Variants in PKIB observed in about 807,000 individuals in gnomAD.
PKIB encodes cAMP-dependent protein kinase inhibitor beta, also known as PKI-beta.
Under a neutral mutation model 4.5 loss-of-function variants are expected in PKIB, and 2 were observed. That is an observed-to-expected ratio of 0.44 (90% CI 0.18 to 1.39). The LOEUF is 1.39. Among genes scored for constraint, PKIB ranks in the 40% most tolerant of loss-of-function variants. The pLI, the probability that PKIB is intolerant of heterozygous loss-of-function variation, is 0.27. For synonymous variants in PKIB, 38 were observed against 36.0 expected (o/e 1.06, Z -0.20); for missense variants, 94 against 92.6 (o/e 1.02, Z -0.06).
upstream of PKIB, among the ~76,000 whole-genome samples, chr6:122,609,269 G>A (rs1300468725): frequency 6.6e-6 from 1 of 152,208 alleles, no homozygotes; most frequent in Non-Finnish European, 1.5e-5. Flanking sequence ...AAGGCAGAAA[G>A]ACCTAAGTTC....
At chr6:122,491,354 A>G (rs1160480580) in intron 2 of PKIB, among the ~76,000 whole-genome samples, 1 of 152,098 alleles carries the variant, frequency 6.6e-6, no homozygotes, top group Non-Finnish European at 1.5e-5. Context: ...TTGCCTCTTA[A>G]TGTGCATGCT....
intron 2 of PKIB, among the ~76,000 whole-genome samples, chr6:122,645,809 G>T (rs1776288585): frequency 6.6e-6 from 1 of 152,198 alleles, no homozygotes; most frequent in Admixed American, 6.5e-5. Context: ...CTGGGAGCCA[G>T]GAAGGTCTTT....
At chr6:122,688,941 C>A (rs1038789577) in intron 3 of PKIB, among the ~76,000 whole-genome samples, 1 of 151,908 alleles carries the variant, frequency 6.6e-6, no homozygotes, top group Non-Finnish European at 1.5e-5. Flanking sequence ...CCACCACGCC[C>A]GTCTAATTTT....
chr6:122,589,591 G>A (rs1681411947), intron 3 of PKIB, among the ~76,000 whole-genome samples: 1 of 152,108 alleles, frequency 6.6e-6, no homozygotes, highest in African/African-American at 2.4e-5. Flanking sequence ...GTAAAAACAA[G>A]TTGGTTAAAG....
chr6:122,519,884 A>G (rs1489583934), intron 2 of PKIB, among the ~76,000 whole-genome samples: 1 of 152,212 alleles, frequency 6.6e-6, no homozygotes, highest in Non-Finnish European at 1.5e-5. Flanking sequence ...GTGGGGCTTT[A>G]CACCCACTGT....
intron 3 of PKIB, among the ~76,000 whole-genome samples, chr6:122,702,404 A>G (rs1254955629): frequency 1.4e-5 from 2 of 138,826 alleles, no homozygotes; most frequent in Admixed American, 1.6e-4. Context: ...ACCTCGGCTC[A>G]CTGCAACCTC....
chr6:122,689,058 G>A lies in PKIB; in HGVS notation c.-9+13914G>A, dbSNP rs561402974. On this transcript the variant is annotated intron_variant, in intron 3 of 4. Transcript: ENST00000368452. ...GGCCTCCCAAAGTGCTGGGATTACA[G>A]GCGTGAGCCACCACACCTGGCCGAT... 2.2e-4 allele frequency among the ~76,000 whole-genome samples: 33 copies of A among 152,212 alleles called. No homozygotes were observed. In the South Asian group the frequency reaches 3.3e-3, roughly 15 times the overall value.
intron 2 of PKIB, among the ~76,000 whole-genome samples, chr6:122,541,976 G>A (rs928614578): frequency 7.2e-5 from 11 of 151,856 alleles, no homozygotes; most frequent in East Asian, 3.9e-4. Context: ...TGATCGCATC[G>A]GCTCCTGAGG....
chr6:122,668,918 C>T (rs1284987213), intron 2 of PKIB, among the ~76,000 whole-genome samples: 2 of 152,190 alleles, frequency 1.3e-5, no homozygotes, highest in African/African-American at 4.8e-5. Context: ...TTTCTACTTA[C>T]AGACATCAGC....
chr6:122,555,866 G>C (rs752141116), intron 2 of PKIB, among the ~76,000 whole-genome samples: 2 of 152,142 alleles, frequency 1.3e-5, no homozygotes, highest in Non-Finnish European at 2.9e-5. Flanking sequence ...CACCAACTTG[G>C]AATTGAAAAG....
intron 3 of PKIB, among the ~76,000 whole-genome samples, chr6:122,599,570 G>A (rs1774290536): frequency 6.6e-6 from 1 of 152,164 alleles, no homozygotes; most frequent in Non-Finnish European, 1.5e-5. Flanking sequence ...TTGAAGCCAG[G>A]AGACAGAATC....
chr6:122,609,150 C>T (rs1774646383), upstream of PKIB, among the ~76,000 whole-genome samples: 1 of 152,050 alleles, frequency 6.6e-6, no homozygotes, highest in Non-Finnish European at 1.5e-5. Flanking sequence ...TACTTTTTTG[C>T]AATTACTTTT....
intron 2 of PKIB, among the ~76,000 whole-genome samples, chr6:122,667,723 A>G (rs1012906470): frequency 6.6e-6 from 1 of 152,232 alleles, no homozygotes; most frequent in Non-Finnish European, 1.5e-5. Context: ...GCAAGCAAAC[A>G]TTAAGAAGCA....
intron 2 of PKIB, chr6:122,480,324 G>A (rs1431415970): frequency 6.6e-6 from 1 of 152,132 alleles, no homozygotes; most frequent in African/African-American, 2.4e-5. Flanking sequence ...TTACAGGCTT[G>A]AGCCACCATG....
Position 122,622,831 on chromosome 6 carries a change from C to T in PKIB, c.-160-10452C>T, listed in dbSNP as rs568699614. ...GAGAAGATAACTTATGTTCTCTGAA[C>T]GTGCAAGTGATTTATGGAATTATTG... On this transcript the variant is annotated intron_variant, in intron 1 of 4. Coordinates refer to ENST00000368452, the MANE Select transcript of PKIB (RefSeq NM_181795.3). Among the ~76,000 whole-genome samples, 9 of 149,428 alleles carry T rather than the reference C, an allele frequency of 6.0e-5. No individual in the cohort carries two copies. In the South Asian group the frequency reaches 6.2e-4, roughly 10 times the overall value.
chr6:122,723,350 C>T (rs1054484690), intron 4 of PKIB, among the ~76,000 whole-genome samples: 27 of 152,096 alleles, frequency 1.8e-4, no homozygotes, highest in Non-Finnish European at 8.8e-5. Flanking sequence ...GGTATAAAAG[C>T]GAACTCCAGA....
intron 2 of PKIB, among the ~76,000 whole-genome samples, chr6:122,576,689 A>AAAAATATATATATATAT (rs1345822382): frequency 2.9e-4 from 10 of 34,308 alleles, no homozygotes; most frequent in Non-Finnish European, 4.7e-4. Flanking sequence ...AAAAAAAAAA[A>AAAAATATATATATATAT]ATATATATAT....
At chr6:122,572,046 G>A (rs188908866) in intron 2 of PKIB, among the ~76,000 whole-genome samples, 25 of 152,122 alleles carry the variant, frequency 1.6e-4, no homozygotes, top group African/African-American at 5.8e-4. Context: ...GGTGGAAGAA[G>A]GTATTCCACG....
rs531480940 is a variant in PKIB at position 122,645,701 on chromosome 6, G to C, written c.-76+12334G>C. Among the ~76,000 whole-genome samples the C allele has an allele frequency of 2.0e-5, 3 of 152,312 alleles. No homozygotes were observed. In the East Asian group the frequency reaches 5.8e-4, roughly 29 times the overall value. ...TGGAGGGAGTAGTGAACTACATAGG[G>C]CATTAAAGCAGAGACTCTGTTAGGT... On this transcript the variant is annotated intron_variant, in intron 2 of 4. Transcript: ENST00000368452.
Sources: allele counts gnomAD v4.1 joint callset (sites outside exome capture counted in the v4.1 genomes callset), GRCh38; gene constraint gnomAD v4.1.1; transcripts MANE v1.5; gene names NCBI Gene and HGNC (gene_info 2026-07-23, HGNC 2026-07-21).